The following DPP10 variants were observed in gnomAD, a reference collection of about 807,000 sequenced individuals.
The protein encoded by DPP10 is inactive dipeptidyl peptidase 10.
DPP10 carries 33 observed loss-of-function variants against 120.9 expected under a neutral mutation model. The observed-to-expected ratio is 0.27, with a 90% CI of 0.21 to 0.37. The LOEUF is 0.37. Ranked by LOEUF, DPP10 falls within the 10% of genes least tolerant of loss-of-function variation. The pLI is 1.00. For missense variants in DPP10, 816 were observed against 942.8 expected, an observed-to-expected ratio of 0.87 and a Z score of 1.76; for synonymous variants, 337 against 326.1, an observed-to-expected ratio of 1.03 and a Z score of -0.36.
In DPP10 at chr2:115,844,080, G is replaced by C. The variant is rs3820717; in HGVS notation, c.*1735G>C. ...CTGGGTTCAATTTAAAATAGGAGAG[G>C]CTTTCTCTTCTGAAAGATCCATTTT... On this transcript the variant is annotated 3_prime_UTR_variant, in exon 26 of 26. Coordinates refer to ENST00000410059, the MANE Select transcript of DPP10 (RefSeq NM_020868.6). The C allele has an allele frequency of 6.5e-3, 996 of 152,590 alleles. 65 individuals carry two copies. The East Asian group carries it at 0.16, about 24-fold the overall frequency. The allele number at this position is 152,590 out of a possible 1,614,324, so 9.5% of individuals were successfully genotyped here.
At chr2:115,266,150 G>A (rs1445371660) in intron 1 of DPP10, among the ~76,000 whole-genome samples, 1 of 152,118 alleles carries the variant, frequency 6.6e-6, no homozygotes, top group Non-Finnish European at 1.5e-5. Context: ...ATAGTTTCGA[G>A]GGATTAAGTA....
intron 3 of DPP10, chr2:115,468,304 G>A (rs1262839959): frequency 9.7e-6 from 5 of 514,646 alleles, no homozygotes; most frequent in Non-Finnish European, 1.9e-5. Flanking sequence ...ACTGGCCAGA[G>A]GGCTCTGCCA....
At chr2:115,466,776 A>T (rs1314405220) in intron 3 of DPP10, among the ~76,000 whole-genome samples, 1 of 152,326 alleles carries the variant, frequency 6.6e-6, no homozygotes, top group Admixed American at 6.5e-5. Context: ...TTTTGTTGTC[A>T]GTATGACTGG....
chr2:115,407,425 G>A (rs112848793), intron 3 of DPP10, among the ~76,000 whole-genome samples: 13,724 of 152,202 alleles, frequency 0.09, 709 homozygotes, highest in Middle Eastern at 0.13. Context: ...AGACAGAGGG[G>A]GCTGCTTTGG....
At chr2:114,825,782 G>A (rs935685984) in intron 1 of DPP10, among the ~76,000 whole-genome samples, 3 of 152,164 alleles carry the variant, frequency 2.0e-5, no homozygotes, top group African/African-American at 7.2e-5. Flanking sequence ...GTATAGAGTG[G>A]CTAGTATGAA....
intron 5 of DPP10, among the ~76,000 whole-genome samples, chr2:115,649,005 G>A (rs2087523895): frequency 6.6e-6 from 1 of 152,110 alleles, no homozygotes; most frequent in Non-Finnish European, 1.5e-5. Context: ...AACAAACTGA[G>A]TGAGTCCACA....
intron 3 of DPP10, among the ~76,000 whole-genome samples, chr2:115,358,760 A>G (rs2064574275): frequency 6.6e-6 from 1 of 152,208 alleles, no homozygotes; most frequent in East Asian, 1.9e-4. Flanking sequence ...ACAGTTCAGC[A>G]TGCCTGGGAA....
chr2:114,899,543 T>A (rs561076525), intron 1 of DPP10, among the ~76,000 whole-genome samples: 2 of 152,340 alleles, frequency 1.3e-5, no homozygotes, highest in South Asian at 4.1e-4. Context: ...TTTTACCACC[T>A]AACTATGCAT....
chr2:114,977,511 G>T (rs946884282), intron 1 of DPP10, among the ~76,000 whole-genome samples: 1 of 152,012 alleles, frequency 6.6e-6, no homozygotes, highest in East Asian at 1.9e-4. Context: ...TTCCTTGTTG[G>T]AGCACATAGC....
At chr2:115,185,741 A>C (rs999756582) in intron 1 of DPP10, among the ~76,000 whole-genome samples, 12 of 152,228 alleles carry the variant, frequency 7.9e-5, no homozygotes, top group African/African-American at 2.9e-4. Flanking sequence ...TGTGGCTCTA[A>C]TTCAGTGTGG....
intron 1 of DPP10, among the ~76,000 whole-genome samples, chr2:114,689,427 G>A (rs1006381940): frequency 6.6e-6 from 1 of 151,822 alleles, no homozygotes; most frequent in African/African-American, 2.4e-5. Flanking sequence ...CATTTTTGTG[G>A]CTGTACAGCA....
At chr2:115,282,306 T>C (rs1182436880) in intron 1 of DPP10, among the ~76,000 whole-genome samples, 1 of 152,084 alleles carries the variant, frequency 6.6e-6, no homozygotes, top group Admixed American at 6.6e-5. Flanking sequence ...TTTTTAGACT[T>C]CCAAACTAAT....
chr2:115,134,728 C>T (rs1038686288), intron 1 of DPP10, among the ~76,000 whole-genome samples: 1 of 151,528 alleles, frequency 6.6e-6, no homozygotes, highest in Non-Finnish European at 1.5e-5. Flanking sequence ...GGGGTAAGTG[C>T]ATTTGTAGAA....
intron 3 of DPP10, among the ~76,000 whole-genome samples, chr2:115,482,853 A>C (rs950723623): frequency 6.6e-6 from 1 of 151,728 alleles, no homozygotes; most frequent in Non-Finnish European, 1.5e-5. Flanking sequence ...TCTTTTCATT[A>C]TGTGTGGGTG....
chr2:115,169,615 A>G (rs1001804940), intron 1 of DPP10, among the ~76,000 whole-genome samples: 1 of 152,134 alleles, frequency 6.6e-6, no homozygotes, highest in African/African-American at 2.4e-5. Flanking sequence ...TCATGGTTTA[A>G]TATTCTCTTT....
intron 20 of DPP10, 65 bp downstream of exon 20, chr2:115,815,052 A>G: frequency 2.1e-6 from 3 of 1,433,828 alleles, no homozygotes; most frequent in South Asian, 3.3e-5. Context: ...TATGACATAT[A>G]ATATTACTAA....
intron 1 of DPP10, among the ~76,000 whole-genome samples, chr2:115,127,652 G>C (rs371839485): frequency 1.1e-4 from 17 of 152,202 alleles, no homozygotes; most frequent in Non-Finnish European, 2.1e-4. Context: ...GTGGAAACAA[G>C]GGACATTCCA....
chr2:115,763,094 T>C (rs766017484), intron 12 of DPP10, among the ~76,000 whole-genome samples: 11 of 152,272 alleles, frequency 7.2e-5, no homozygotes, highest in Admixed American at 5.2e-4. Context: ...ACCTAATCAC[T>C]GTTACATGGT....
chr2:115,781,114 TTAA>T (rs1222199041), intron 16 of DPP10, 119 bp downstream of exon 16: 2 of 810,168 alleles, frequency 2.5e-6, no homozygotes, highest in Non-Finnish European at 3.6e-6. Flanking sequence ...TAAATTTTTG[TTAA>T]TAGGATATAC....
Sources: gnomAD v4.1 joint callset for allele counts (sites outside exome capture counted in the v4.1 genomes callset) on GRCh38, gnomAD v4.1.1 for gene constraint, MANE v1.5 for transcripts, NCBI Gene and HGNC (gene_info 2026-07-23, HGNC 2026-07-21) for gene names.